The following NARF variants were observed in gnomAD, a reference collection of about 807,000 sequenced individuals.
NARF encodes the protein nuclear prelamin A recognition factor, also known as iron-only hydrogenase-like protein 2.
A neutral mutation model predicts 48.0 loss-of-function variants in NARF; 41 were observed. The ratio of observed to expected loss-of-function variants is 0.85; its 90% confidence interval spans 0.66 to 1.11. The LOEUF is 1.11. Among genes scored for constraint, NARF ranks in the 50% least tolerant of loss-of-function variants. NARF has a pLI of 0.00. For synonymous variants in NARF, 215 were observed against 225.5 expected (o/e 0.95, Z 0.42); for missense variants, 613 against 590.2 (o/e 1.04, Z -0.40).
At position 82,481,137 on chromosome 17, in the gene NARF, A is replaced by T. The variant is rs1304948807; in HGVS notation, c.695A>T (p.Lys232Met). ...HVIVAPCYDK[K>M]LEALQESLPP... is the part of the protein sequence containing the mutation. ...ATTGTGGCCCCTTGTTATGACAAGA[A>T]GCTGGAGGCTCTTCAGGAAAGCCTT... The change falls in exon 7 of 11, where the codon AAG becomes ATG. Residue 232 changes from lysine (K) to methionine (M), a missense_variant. Coordinates refer to ENST00000309794, the MANE Select transcript of NARF (RefSeq NM_012336.4). 6.2e-7 allele frequency: 1 copy of T among 1,614,068 alleles called. No homozygotes were observed.
At position 82,490,238 on chromosome 17, in the gene NARF, C is replaced by T. The variant is rs754210585; in HGVS notation, c.*2081C>T. The T allele has an allele frequency of 2.0e-5, 3 of 152,214 alleles. No individual in the cohort carries two copies. The highest frequency in any genetic ancestry group is 7.2e-5 in the African/African-American group (3 of 41,416). The allele number at this position is 152,214 out of a possible 1,614,324, so 9.4% of individuals were successfully genotyped here. A position where few individuals can be genotyped will look rare whatever the true frequency, so the allele number is the denominator to read the frequency against. On this transcript the variant is annotated 3_prime_UTR_variant, in exon 11 of 11. Coordinates refer to ENST00000309794, the MANE Select transcript of NARF (RefSeq NM_012336.4). ...TGCAGCTGTACCCTAGGGCTCCTCCCAGGAAAAGAGAGATGTCAACGTGGC... is the reference window on the plus strand; with the variant it reads ...TGCAGCTGTACCCTAGGGCTCCTCCTAGGAAAAGAGAGATGTCAACGTGGC...
intron 3 of NARF, among the ~76,000 whole-genome samples, chr17:82,466,942 C>G (rs1264802708): frequency 6.6e-6 from 1 of 151,994 alleles, no homozygotes; most frequent in Non-Finnish European, 1.5e-5. Context: ...ATCCACCTGC[C>G]TTGGCCTCCC....
intron 7 of NARF, among the ~76,000 whole-genome samples, 192 bp downstream of exon 7, chr17:82,481,403 G>A (rs1419930194): frequency 6.6e-6 from 1 of 152,080 alleles, no homozygotes; most frequent in Non-Finnish European, 1.5e-5. Context: ...GTTCGATCTA[G>A]CCTCCTGTCT....
At chr17:82,473,188 G>A (rs2043754526) in intron 5 of NARF, among the ~76,000 whole-genome samples, 3 of 152,090 alleles carry the variant, frequency 2.0e-5, no homozygotes, top group Admixed American at 1.3e-4. Flanking sequence ...TGATCTGCCT[G>A]CCTCGGGCTC....
intron 5 of NARF, among the ~76,000 whole-genome samples, chr17:82,476,432 G>C (rs1015695993): frequency 2.0e-5 from 3 of 151,274 alleles, no homozygotes; most frequent in Admixed American, 1.3e-4. Flanking sequence ...GTGAGCCACT[G>C]TGCCCAGCTA....
At chr17:82,459,121 C>T (rs2043364426) in intron 1 of NARF, 12 of 1,175,638 alleles carry the variant, frequency 1.0e-5, no homozygotes, top group Non-Finnish European at 1.3e-5. Context: ...CACCACAGTC[C>T]GAGTAAACAG....
At chr17:82,464,459 T>C (rs1310885955) in intron 3 of NARF, 29 bp downstream of exon 3, 1 of 1,593,362 alleles carries the variant, frequency 6.3e-7, no homozygotes. Flanking sequence ...TTGCTGATGC[T>C]GGGGAGCTGA....
intron 7 of NARF, 138 bp downstream of exon 7, chr17:82,481,349 C>A: frequency 2.3e-6 from 3 of 1,320,074 alleles, no homozygotes; most frequent in Admixed American, 2.2e-5. Context: ...TTACTGACAG[C>A]TGAGGGTCCT....
At chr17:82,469,303 T>C (rs2043643210) in intron 4 of NARF, among the ~76,000 whole-genome samples, 1 of 152,226 alleles carries the variant, frequency 6.6e-6, no homozygotes, top group Non-Finnish European at 1.5e-5. Context: ...CAAGAAGCTC[T>C]CTGAAGAGCA....
chr17:82,480,468 C>T (rs1311759715), intron 6 of NARF: 1 of 401,948 alleles, frequency 2.5e-6, no homozygotes, highest in East Asian at 3.6e-5. Flanking sequence ...GGCTGGGGGG[C>T]TTTGCAGATG....
At chr17:82,476,310 T>G (rs1175773839) in intron 5 of NARF, among the ~76,000 whole-genome samples, 1 of 151,564 alleles carries the variant, frequency 6.6e-6, no homozygotes, top group Admixed American at 6.6e-5. Flanking sequence ...CCCGGCTAAT[T>G]TTTGTATTTT....
intron 5 of NARF, among the ~76,000 whole-genome samples, chr17:82,473,542 G>A (rs547433450): frequency 7.3e-5 from 11 of 150,586 alleles, no homozygotes; most frequent in Admixed American, 2.0e-4. Context: ...TAGTAGAGAC[G>A]GGGTTTCACC....
At chr17:82,459,157 C>A (rs1040124602) in intron 1 of NARF, 14 of 1,130,768 alleles carry the variant, frequency 1.2e-5, no homozygotes, top group Non-Finnish European at 1.5e-5. Flanking sequence ...TGATCAGAAG[C>A]GTTTCGAGAG....
chr17:82,466,037 C>T (rs918276845), intron 3 of NARF, among the ~76,000 whole-genome samples: 5 of 152,166 alleles, frequency 3.3e-5, no homozygotes, highest in African/African-American at 1.2e-4. Flanking sequence ...GCCAGGTTCG[C>T]CATGCATACC....
intron 8 of NARF, chr17:82,484,548 A>C: frequency 3.0e-6 from 1 of 337,264 alleles, no homozygotes; most frequent in East Asian, 5.2e-5. Context: ...GAAAAAGACC[A>C]TAAGCATCTG....
At chr17:82,462,009 G>T in intron 2 of NARF, among the ~76,000 whole-genome samples, 1 of 152,180 alleles carries the variant, frequency 6.6e-6, no homozygotes, top group East Asian at 1.9e-4. Context: ...GACCCCAGGG[G>T]CCTCCCTCAC....
chr17:82,466,155 A>T (rs537730387), intron 3 of NARF, among the ~76,000 whole-genome samples: 1 of 152,250 alleles, frequency 6.6e-6, no homozygotes, highest in East Asian at 1.9e-4. Flanking sequence ...CTAGAGACTT[A>T]ATTCTGTGGT....
intron 5 of NARF, among the ~76,000 whole-genome samples, chr17:82,474,798 T>C (rs1391119916): frequency 6.6e-6 from 1 of 152,200 alleles, no homozygotes. Context: ...ATTGGTTGGC[T>C]CGTTATTTGA....
At chr17:82,485,089 T>A in intron 9 of NARF, 139 bp downstream of exon 9, 1 of 1,156,754 alleles carries the variant, frequency 8.6e-7, no homozygotes. Context: ...TTGTGTTTAT[T>A]CAGACCTTTT....
Sources: gnomAD v4.1 joint callset for allele counts (sites outside exome capture counted in the v4.1 genomes callset) on GRCh38, gnomAD v4.1.1 for gene constraint, MANE v1.5 for transcripts, NCBI Gene and HGNC (gene_info 2026-07-23, HGNC 2026-07-21) for gene names.